AKAP13: variants seen among roughly 807,000 people sequenced by gnomAD.
The protein encoded by AKAP13 is A-kinase anchor protein 13.
In AKAP13, 80 loss-of-function variants were observed where a neutral mutation model predicts 264.5. The observed-to-expected ratio is 0.30, with a 90% CI of 0.25 to 0.36. AKAP13 has a LOEUF of 0.36. Among genes scored for constraint, AKAP13 ranks in the 10% least tolerant of loss-of-function variants. The probability of loss-of-function intolerance (pLI) is 1.00; values close to 1 mark genes in which losing one functional copy is unlikely to be tolerated. For missense variants in AKAP13, 3,712 were observed against 3,435.2 expected (o/e 1.08, Z -2.01); for synonymous variants, 1,380 against 1,250.2 (o/e 1.10, Z -2.19).
At chr15:85,500,855 G>T in intron 2 of AKAP13, among the ~76,000 whole-genome samples, 1 of 152,178 alleles carries the variant, frequency 6.6e-6, no homozygotes, top group Admixed American at 6.5e-5. Context: ...ACAAAGCTCT[G>T]TGTCTGGATT....
At chr15:85,461,018 C>A (rs997776607) in intron 1 of AKAP13, among the ~76,000 whole-genome samples, 1 of 151,850 alleles carries the variant, frequency 6.6e-6, no homozygotes, top group Non-Finnish European at 1.5e-5. Context: ...AATGAATATA[C>A]TGTCATTGCA....
chr15:85,474,903 C>G (rs778245803), intron 1 of AKAP13, among the ~76,000 whole-genome samples: 4 of 152,186 alleles, frequency 2.6e-5, no homozygotes, highest in Non-Finnish European at 5.9e-5. Flanking sequence ...ACTTGTGTGA[C>G]TCGTTCGATA....
chr15:85,399,517 A>T lies in AKAP13; in HGVS notation c.-12+18719A>T, dbSNP rs984974199. Reference sequence around the variant, plus strand: ...GACTCCGTCTCAAAAAAAAAAAAAAAAAAAATAAAAAAATAAAAAAATAAA... The same window carrying T: ...GACTCCGTCTCAAAAAAAAAAAAAATAAAAATAAAAAAATAAAAAAATAAA... On this transcript the variant is annotated intron_variant, in intron 1 of 36. Transcript: ENST00000394518. Among the ~76,000 whole-genome samples the T allele has an allele frequency of 2.3e-3, 296 of 126,012 alleles. 4 individuals are homozygous for T. The highest frequency in any genetic ancestry group is 0.014 in the East Asian group (60 of 4,426). 82.7% of individuals were successfully genotyped at this position (126,012 alleles called of 152,430 possible).
At chr15:85,387,240 A>G (rs1266441359) in intron 1 of AKAP13, among the ~76,000 whole-genome samples, 1 of 151,956 alleles carries the variant, frequency 6.6e-6, no homozygotes, top group Non-Finnish European at 1.5e-5. Context: ...GGAGGCTGAG[A>G]CAGGAGAATT....
chr15:85,604,689 C>A (rs575730630), intron 8 of AKAP13, among the ~76,000 whole-genome samples: 3 of 152,048 alleles, frequency 2.0e-5, no homozygotes, highest in Admixed American at 1.3e-4. Flanking sequence ...TTCTTGAACT[C>A]CTGACCTCAG....
chr15:85,399,420 C>T (rs369184942), intron 1 of AKAP13, among the ~76,000 whole-genome samples: 10 of 142,818 alleles, frequency 7.0e-5, no homozygotes, highest in Admixed American at 1.4e-4. Flanking sequence ...GGCGTGAACC[C>T]GGGAAGCGGA....
chr15:85,741,519 C>T (rs746996804), intron 35 of AKAP13, 24 bp downstream of exon 35: 1 of 1,552,152 alleles, frequency 6.4e-7, no homozygotes, highest in Non-Finnish European at 8.7e-7. Context: ...CTGCCGAGAG[C>T]AACCTAATGA....
intron 1 of AKAP13, among the ~76,000 whole-genome samples, chr15:85,437,853 C>T (rs112749618): frequency 2.0e-5 from 3 of 151,198 alleles, no homozygotes; most frequent in East Asian, 2.0e-4. Context: ...GACCCACAGC[C>T]AATATCATAC....
chr15:85,655,577 A>G lies in AKAP13; in HGVS notation c.4535A>G (p.Tyr1512Cys), dbSNP rs150167931. The G allele has an allele frequency of 3.7e-5, 60 of 1,614,224 alleles. No homozygotes were observed. The African/African-American group carries it at 6.8e-4, about 18-fold the overall frequency. The change falls in exon 11 of 37, where the codon TAC (tyrosine) becomes TGC (cysteine). Residue 1512 changes from tyrosine (Y) to cysteine (C), a missense_variant. Physicochemically the swap from Tyr to Cys is radical, Grantham distance 194 (BLOSUM62 -2). Coordinates refer to ENST00000394518, the MANE Select transcript of AKAP13 (RefSeq NM_007200.5). Reference sequence around the variant, plus strand: ...GATCGGCAAAGCCTTGATGGATTCTACAGCCATGGGATGGGAGCTGAGGGT... The same window carrying G: ...GATCGGCAAAGCCTTGATGGATTCTGCAGCCATGGGATGGGAGCTGAGGGT... ...SRDRQSLDGFYSHGMGAEGRE... is the reference protein window; with the variant it reads ...SRDRQSLDGFCSHGMGAEGRE...
At chr15:85,592,604 G>C (rs2079630677) in intron 8 of AKAP13, among the ~76,000 whole-genome samples, 1 of 152,192 alleles carries the variant, frequency 6.6e-6, no homozygotes, top group South Asian at 2.1e-4. Context: ...GCATGTAAGA[G>C]AGGCAGGCTC....
At chr15:85,455,320 G>T (rs1043552493) in intron 1 of AKAP13, among the ~76,000 whole-genome samples, 1 of 152,008 alleles carries the variant, frequency 6.6e-6, no homozygotes, top group African/African-American at 2.4e-5. Flanking sequence ...CTCGTTTCTT[G>T]TAGATATTTA....
intron 1 of AKAP13, among the ~76,000 whole-genome samples, chr15:85,466,502 C>G (rs560794260): frequency 1.3e-5 from 2 of 152,272 alleles, no homozygotes; most frequent in Non-Finnish European, 2.9e-5. Flanking sequence ...ACATGTAAGT[C>G]TTTAATCCAT....
intron 17 of AKAP13, among the ~76,000 whole-genome samples, chr15:85,698,768 A>AC (rs1455873088): frequency 6.6e-6 from 1 of 151,708 alleles, no homozygotes; most frequent in Non-Finnish European, 1.5e-5. Flanking sequence ...ACATGGTGAA[A>AC]CCCCGTCTCT....
intron 1 of AKAP13, among the ~76,000 whole-genome samples, chr15:85,442,135 G>A (rs73448283): frequency 0.04 from 6,132 of 151,886 alleles, 401 homozygotes; most frequent in African/African-American, 0.14. Flanking sequence ...TTTTAGGCTG[G>A]GCGCGGTGGC....
At chr15:85,590,104 G>A (rs769658343) in intron 8 of AKAP13, among the ~76,000 whole-genome samples, 1 of 152,090 alleles carries the variant, frequency 6.6e-6, no homozygotes, top group African/African-American at 2.4e-5. Context: ...CACATACCCC[G>A]TCTATGTGTG....
intron 18 of AKAP13, among the ~76,000 whole-genome samples, chr15:85,709,344 A>G (rs2086496690): frequency 6.6e-6 from 1 of 152,100 alleles, no homozygotes; most frequent in South Asian, 2.1e-4. Flanking sequence ...ATAAGCTCCA[A>G]ACTCATTAAG....
intron 5 of AKAP13, among the ~76,000 whole-genome samples, chr15:85,556,536 C>A (rs1336923894): frequency 6.6e-6 from 1 of 152,152 alleles, no homozygotes; most frequent in Non-Finnish European, 1.5e-5. Context: ...TTGCCTTCCT[C>A]CCCCTAGTGT....
At chr15:85,686,922 T>C (rs1333383836) in intron 16 of AKAP13, among the ~76,000 whole-genome samples, 1 of 152,238 alleles carries the variant, frequency 6.6e-6, no homozygotes, top group Admixed American at 6.5e-5. Context: ...CATTGTTTTT[T>C]ATTTTGCTTT....
chr15:85,704,136 T>C (rs2086096224), intron 17 of AKAP13, among the ~76,000 whole-genome samples: 1 of 152,202 alleles, frequency 6.6e-6, no homozygotes, highest in African/African-American at 2.4e-5. Flanking sequence ...ATTTTGCTGC[T>C]CACATCTGTA....
Sources: allele counts gnomAD v4.1 joint callset (sites outside exome capture counted in the v4.1 genomes callset), GRCh38; gene constraint gnomAD v4.1.1; transcripts MANE v1.5; gene names NCBI Gene and HGNC (gene_info 2026-07-23, HGNC 2026-07-21).